Variants in SERPINF2 observed in about 807,000 individuals in gnomAD.
SERPINF2 encodes the protein alpha-2-antiplasmin.
Under a neutral mutation model 45.0 loss-of-function variants are expected in SERPINF2, and 15 were observed. The observed-to-expected ratio is 0.33, with a 90% CI of 0.22 to 0.51. The LOEUF is 0.51. Among genes scored for constraint, SERPINF2 ranks in the 20% least tolerant of loss-of-function variants. The pLI, the probability that SERPINF2 is intolerant of heterozygous loss-of-function variation, is 0.97. For missense variants in SERPINF2, 518 were observed against 637.4 expected (o/e 0.81, Z 2.02); for synonymous variants, 283 against 277.9 (o/e 1.02, Z -0.18).
chr17:1,744,662 C>G, intron 1 of SERPINF2: 1 of 985,454 alleles, frequency 1.0e-6, no homozygotes, highest in South Asian at 4.7e-5. Flanking sequence ...GATTCAGACA[C>G]AGATCTGATT....
Position 1,751,706 on chromosome 17 carries a change from A to AT in SERPINF2, c.859-878dup, listed in dbSNP as rs1385062485. Among the ~76,000 whole-genome samples the AT allele has an allele frequency of 1.4e-5, 2 of 138,640 alleles. 1 individual carries two copies. Among genetic ancestry groups the AT allele is most frequent in the Non-Finnish European group, 3.3e-5 (2 of 61,238 alleles). The allele number at this position is 138,640 out of a possible 152,430, so 91.0% of individuals were successfully genotyped here. A position where few individuals can be genotyped will look rare whatever the true frequency, so the allele number is the denominator to read the frequency against. ...GAGGCGGAGGTTGCGGTGAGCCGAG[A>AT]TTGCGCCACTGCACTCCAGCCTGGG... On this transcript the variant is annotated intron_variant, in intron 8 of 9. Transcript: ENST00000453066.
At position 1,754,838 on chromosome 17, in the gene SERPINF2, C is replaced by A; in HGVS notation, c.*304C>A. On this transcript the variant is annotated 3_prime_UTR_variant, in exon 10 of 10. Transcript: ENST00000453066. ...TCTGCCAGGAGACAGGTTAGCTGCTCCCCACGTCAGCTGGGACACCCCGAC... is the reference window on the plus strand; with the variant it reads ...TCTGCCAGGAGACAGGTTAGCTGCTACCCACGTCAGCTGGGACACCCCGAC... 2.1e-6 allele frequency: 1 copy of A among 465,494 alleles called. No individual in the cohort carries two copies. The highest frequency in any genetic ancestry group is 3.4e-5 in the East Asian group (1 of 29,066). 28.8% of individuals were successfully genotyped at this position (465,494 alleles called of 1,614,324 possible). A position where few individuals can be genotyped will look rare whatever the true frequency, so the allele number is the denominator to read the frequency against.
chr17:1,745,600 C>T lies in SERPINF2; in HGVS notation c.166-108C>T, dbSNP rs1360343979. The T allele has an allele frequency of 3.1e-6, 4 of 1,287,974 alleles. No homozygotes were observed. The highest frequency in any genetic ancestry group is 4.4e-6 in the Non-Finnish European group (4 of 909,178). 79.8% of individuals were successfully genotyped at this position (1,287,974 alleles called of 1,614,324 possible). ...GTCTGACGCTCCCTCTTCCCTGGGG[C>T]TGGGACAAGGCCCTGCTGTCCTCAG... On this transcript the variant is annotated intron_variant, in intron 4 of 9. Transcript: ENST00000453066. The surrounding 1 kb of genome is among the most constrained non-coding windows in gnomAD (Gnocchi z 6.2).
intron 7 of SERPINF2, 95 bp downstream of exon 7, chr17:1,747,607 C>G: frequency 7.3e-7 from 1 of 1,370,092 alleles, no homozygotes; most frequent in South Asian, 1.2e-5. Flanking sequence ...CTCTGTCACC[C>G]AGGGTGGAGC....
In SERPINF2 at chr17:1,754,947, G is replaced by A. The variant is rs377007696; in HGVS notation, c.*413G>A. The A allele has an allele frequency of 8.2e-4, 191 of 234,090 alleles. 2 individuals carry two copies. The highest frequency in any genetic ancestry group is 3.9e-3 in the African/African-American group (171 of 43,962). The allele number at this position is 234,090 out of a possible 1,614,324, so 14.5% of individuals were successfully genotyped here. A position where few individuals can be genotyped will look rare whatever the true frequency, so the allele number is the denominator to read the frequency against. Reference sequence around the variant, plus strand: ...CACCTAGGCTAGGGTGGGGAGAGACGGGCCCTGGTGGTGGCTCGGGAGGCG... The same window carrying A: ...CACCTAGGCTAGGGTGGGGAGAGACAGGCCCTGGTGGTGGCTCGGGAGGCG... On this transcript the variant is annotated 3_prime_UTR_variant, in exon 10 of 10. Transcript: ENST00000453066.
Position 1,745,889 on chromosome 17 carries a change from C to T in SERPINF2, c.347C>T (p.Ala116Val), listed in dbSNP as rs753156145. 4.8e-5 allele frequency: 78 copies of T among 1,613,912 alleles called. No individual in the cohort carries two copies. Among genetic ancestry groups the T allele is most frequent in the East Asian group, 4.0e-4 (18 of 44,890 alleles). The change falls in exon 5 of 10, where the codon GCG becomes GTG. Residue 116 changes from alanine (A) to valine (V), a missense_variant. By Grantham distance (64) the Ala-to-Val change is moderately conservative. This residue lies in a region of SERPINF2 where 435 missense variants were observed against 577.3 expected (regional missense o/e 0.75). Coordinates refer to ENST00000453066, the MANE Select transcript of SERPINF2 (RefSeq NM_000934.4). The surrounding 1 kb of genome is among the most constrained non-coding windows in gnomAD (Gnocchi z 6.2). ...CTGTCACCCCTGAGTGTGGCCCTGG[C>T]GCTGTCTCACCTGGCACTAGGTACC... ...LILSPLSVAL[A>V]LSHLALGAQN... is the part of the protein sequence containing the mutation.
rs1039655406 is a variant in SERPINF2 at position 1,754,878 on chromosome 17, G to A, written c.*344G>A. Reference sequence around the variant, plus strand: ...GACACCCCGACTTTTGTTTACCAGAGAAAAAGGGAGGGGGAGAGGGCTGCC... The same window carrying A: ...GACACCCCGACTTTTGTTTACCAGAAAAAAAGGGAGGGGGAGAGGGCTGCC... On this transcript the variant is annotated 3_prime_UTR_variant, in exon 10 of 10. Coordinates refer to ENST00000453066, the MANE Select transcript of SERPINF2 (RefSeq NM_000934.4). The A allele has an allele frequency of 2.6e-6, 1 of 384,988 alleles. No homozygotes were observed. Among genetic ancestry groups the A allele is most frequent in the Non-Finnish European group, 4.7e-6 (1 of 214,028 alleles). 23.8% of individuals were successfully genotyped at this position (384,988 alleles called of 1,614,324 possible). A position where few individuals can be genotyped will look rare whatever the true frequency, so the allele number is the denominator to read the frequency against.
Position 1,754,640 on chromosome 17 carries a change from C to T in SERPINF2, c.*106C>T. ...CACTGGGGCAGGGGCCGGGGGCAGT[C>T]TGAGAGAGGCCATTCTTTCCCAACA... On this transcript the variant is annotated 3_prime_UTR_variant, in exon 10 of 10. Transcript: ENST00000453066. 1 of 1,057,962 alleles carries T rather than the reference C, an allele frequency of 9.5e-7. No homozygotes were observed. Among genetic ancestry groups the T allele is most frequent in the Non-Finnish European group, 1.3e-6 (1 of 772,024 alleles). The allele number at this position is 1,057,962 out of a possible 1,614,324, so 65.5% of individuals were successfully genotyped here. A position where few individuals can be genotyped will look rare whatever the true frequency, so the allele number is the denominator to read the frequency against.
intron 7 of SERPINF2, among the ~76,000 whole-genome samples, chr17:1,748,163 T>G (rs1227518711): frequency 1.3e-5 from 2 of 151,700 alleles, no homozygotes; most frequent in Non-Finnish European, 2.9e-5. Flanking sequence ...TAGCTGGGCG[T>G]AGTGGCGGGC....
In SERPINF2 at chr17:1,745,553, C is replaced by A; in HGVS notation, c.166-155C>A. 2 of 1,165,012 alleles carry A rather than the reference C, an allele frequency of 1.7e-6. No individual in the cohort carries two copies. Among genetic ancestry groups the A allele is most frequent in the South Asian group, 1.3e-5 (1 of 76,548 alleles). 72.2% of individuals were successfully genotyped at this position (1,165,012 alleles called of 1,614,324 possible). On this transcript the variant is annotated intron_variant, in intron 4 of 9. Transcript: ENST00000453066. This position sits in a 1 kb window ranked among gnomAD's most constrained non-coding sequence, Gnocchi z 6.2. ...GGGAGGACCGAAGGTGGGCGCCAGG[C>A]CCCAGAATGCCAGTGCCCTCCGTCT...
chr17:1,754,731 G>A lies in SERPINF2; in HGVS notation c.*197G>A, dbSNP rs1906712885. The A allele has an allele frequency of 4.6e-6, 3 of 653,688 alleles. No individual in the cohort carries two copies. The highest frequency in any genetic ancestry group is 2.8e-5 in the East Asian group (1 of 35,532). The allele number at this position is 653,688 out of a possible 1,614,324, so 40.5% of individuals were successfully genotyped here. ...AGGAGGGCAGGCATCGGGGAGCCGG[G>A]AGCCTGACCCTCATCTTTCTTCCAA... is the stretch of plus-strand genomic sequence containing the variant. On this transcript the variant is annotated 3_prime_UTR_variant, in exon 10 of 10. Coordinates refer to ENST00000453066, the MANE Select transcript of SERPINF2 (RefSeq NM_000934.4).
chr17:1,747,391 A>G lies in SERPINF2; in HGVS notation c.594A>G (p.Glu198=), dbSNP rs753898740. 1 of 1,614,200 alleles carries G rather than the reference A, an allele frequency of 6.2e-7. No homozygotes were observed. The highest frequency in any genetic ancestry group is 1.1e-5 in the South Asian group (1 of 91,088). ...AKPVSLTGKQ[E]DDLANINQWV... is the part of the protein sequence containing the mutation. ...CCGTGAGCCTGACGGGAAAGCAGGA[A>G]GATGACCTGGCAAACATCAACCAAT... The change falls in exon 7 of 10, where the codon GAA becomes GAG. Residue 198 remains glutamate, a synonymous_variant. Transcript: ENST00000453066.
At chr17:1,744,800 A>G in intron 1 of SERPINF2, 192 bp from the exon 2 acceptor site, 1 of 985,466 alleles carries the variant, frequency 1.0e-6, no homozygotes, top group South Asian at 4.7e-5. Context: ...GGGAGAAGCC[A>G]GGGCGGATGT....
In SERPINF2 at chr17:1,745,942, G is replaced by T; in HGVS notation, c.367+33G>T. 2 of 1,601,294 alleles carry T rather than the reference G, an allele frequency of 1.2e-6. No homozygotes were observed. The highest frequency in any genetic ancestry group is 1.7e-6 in the Non-Finnish European group (2 of 1,173,068). On this transcript the variant is annotated intron_variant, in intron 5 of 9. Transcript: ENST00000453066. The surrounding 1 kb of genome is among the most constrained non-coding windows in gnomAD (Gnocchi z 6.2). ...GGCACCACTTGTCCAGACCAAGAGAGCTGGGAGGCCAGTAGGAACTCAGTA... is the reference window on the plus strand; with the variant it reads ...GGCACCACTTGTCCAGACCAAGAGATCTGGGAGGCCAGTAGGAACTCAGTA...
intron 8 of SERPINF2, among the ~76,000 whole-genome samples, chr17:1,749,497 C>T (rs553225737): frequency 3.3e-5 from 5 of 152,334 alleles, no homozygotes. Flanking sequence ...ACTCTGGAGG[C>T]TGAGGCAGGA....
chr17:1,752,988 G>C (rs1567744114), intron 9 of SERPINF2, among the ~76,000 whole-genome samples, 198 bp downstream of exon 9: 1 of 152,220 alleles, frequency 6.6e-6, no homozygotes, highest in Non-Finnish European at 1.5e-5. Flanking sequence ...CCCGGGGAAT[G>C]GGGCTCTGCT....
In SERPINF2 at chr17:1,752,061, CT is replaced by C. The variant is rs764445183; in HGVS notation, c.859-518del. The stretch of plus-strand genomic sequence containing the variant: ...ACACTGCTACAATGTTGTTTTTTTT[CT>C]TTTTTTGAGACGGATTTTTACTCCT... On this transcript the variant is annotated intron_variant, in intron 8 of 9. Coordinates refer to ENST00000453066, the MANE Select transcript of SERPINF2 (RefSeq NM_000934.4). Among the ~76,000 whole-genome samples, 12 of 136,822 alleles carry C rather than the reference CT, an allele frequency of 8.8e-5. 2 individuals are homozygous for C. Among genetic ancestry groups the C allele is most frequent in the Non-Finnish European group, 1.3e-4 (8 of 60,598 alleles). The allele number at this position is 136,822 out of a possible 152,430, so 89.8% of individuals were successfully genotyped here.
chr17:1,744,477 G>C (rs1165601501), intron 1 of SERPINF2: 5 of 913,380 alleles, frequency 5.5e-6, no homozygotes, highest in African/African-American at 1.8e-5. Context: ...TGGTCAACGA[G>C]AGCGAAACTC....
chr17:1,748,761 A>C, intron 8 of SERPINF2, 21 bp downstream of exon 8: 11 of 1,230,564 alleles, frequency 8.9e-6, no homozygotes, highest in African/African-American at 1.5e-5. Flanking sequence ...GTTGTCCAGC[A>C]GGCTGGGCCT....
Sources: allele counts gnomAD v4.1 joint callset (sites outside exome capture counted in the v4.1 genomes callset), GRCh38; gene constraint gnomAD v4.1.1; regional missense constraint gnomAD v4.1.1; non-coding constraint Gnocchi (gnomAD v3.1); transcripts MANE v1.5; gene names NCBI Gene and HGNC (gene_info 2026-07-23, HGNC 2026-07-21).